The following WBP2NL variants were observed in gnomAD, a reference collection of about 807,000 sequenced individuals.
The protein encoded by WBP2NL is postacrosomal sheath WW domain-binding protein.
In WBP2NL, 27 loss-of-function variants were observed where a neutral mutation model predicts 23.3. The ratio of observed to expected loss-of-function variants is 1.16; its 90% CI spans 0.85 to 1.60. The LOEUF (loss-of-function observed/expected upper bound fraction) is 1.60, where lower values mean the gene tolerates loss of function less well. Ranked by LOEUF, WBP2NL falls within the 40% of genes most tolerant of loss-of-function variation. The pLI, the probability that WBP2NL is intolerant of heterozygous loss-of-function variation, is 0.00. For synonymous variants in WBP2NL, 151 were observed against 145.9 expected (o/e 1.03, Z -0.25); for missense variants, 370 against 389.5 (o/e 0.95, Z 0.42).
At chr22:42,029,160 A>C (rs1264378978), downstream of WBP2NL, among the ~76,000 whole-genome samples, 1 of 152,114 alleles carries the variant, frequency 6.6e-6, no homozygotes, top group African/African-American at 2.4e-5. Flanking sequence ...AGGCCTTAAA[A>C]ATACATTAGT....
chr22:42,019,314 C>A lies in WBP2NL; in HGVS notation c.66C>A (p.Leu22=), dbSNP rs202144163. 244 of 1,613,812 alleles carry A rather than the reference C, an allele frequency of 1.5e-4. 3 individuals are homozygous for A. In the South Asian group the frequency reaches 1.7e-3, roughly 11 times the overall value. Residue 22 remains leucine, a synonymous_variant, in exon 2 of 6, where the codon CTC becomes CTA. Transcript: ENST00000328823. ...GTCTGTTCCTCATTTTCTACAGTCT[C>A]TTGAAGCGGTCTCCGAATGTGGAGC... ...RGALIPNGES[L]LKRSPNVELS...
chr22:42,056,004 G>A lies in WBP2NL; in HGVS notation c.*274-2286G>A, dbSNP rs370227446. On this transcript the variant is annotated intron_variant and NMD_transcript_variant, in intron 8 of 8. Transcript: ENST00000436265. ...GTGTATCTTTTAAATGCATTCTGTC[G>A]ATCTATGTTTAATCCATTTACATGT... 2.2e-4 allele frequency among the ~76,000 whole-genome samples: 33 copies of A among 148,736 alleles called. No homozygotes were observed. The East Asian group carries it at 4.6e-3, about 21-fold the overall frequency.
At chr22:42,003,356 C>T (rs1172261585) in intron 1 of WBP2NL, 1 of 152,604 alleles carries the variant, frequency 6.6e-6, no homozygotes, top group African/African-American at 2.4e-5. Context: ...TATATCCTAG[C>T]TCTGTCTTAC....
chr22:42,037,275 C>G (rs1199061244), downstream of WBP2NL, among the ~76,000 whole-genome samples: 1 of 151,880 alleles, frequency 6.6e-6, no homozygotes. Context: ...GAGTTTATTT[C>G]TGGGTTCTCT....
At chr22:42,032,923 A>AATTATTAATAT (rs1356251730), downstream of WBP2NL, 1 of 200,048 alleles carries the variant, frequency 5.0e-6, no homozygotes, top group African/African-American at 2.4e-5. Flanking sequence ...ACAGGGTATT[A>AATTATTAATAT]ATTATTAATA....
Position 42,022,334 on chromosome 22 carries a change from C to T in WBP2NL, c.492C>T (p.Cys164=), listed in dbSNP as rs1477365140. Residue 164 remains cysteine (C), a synonymous_variant, in exon 5 of 6, where the codon TGC becomes TGT. Transcript: ENST00000328823. Reference sequence around the variant, plus strand: ...TAATTACTGGGGAAGGGAATATGTGCACTCCACAGATGCCTTGTTCAGGTA... The same window carrying T: ...TAATTACTGGGGAAGGGAATATGTGTACTCCACAGATGCCTTGTTCAGGTA... ...IYVITGEGNM[C]TPQMPCSVIV... is the part of the protein sequence containing the mutation. 2 of 1,613,586 alleles carry T rather than the reference C, an allele frequency of 1.2e-6. No individual in the cohort carries two copies. Among genetic ancestry groups the T allele is most frequent in the African/African-American group, 1.3e-5 (1 of 74,906 alleles).
At position 42,027,852 on chromosome 22, in the gene WBP2NL, A is replaced by G; in HGVS notation, c.*671A>G. The G allele has an allele frequency of 2.5e-6, 1 of 397,860 alleles. No homozygotes were observed. The highest frequency in any genetic ancestry group is 3.6e-5 in the East Asian group (1 of 28,018). The allele number at this position is 397,860 out of a possible 1,614,324, so 24.6% of individuals were successfully genotyped here. A position where few individuals can be genotyped will look rare whatever the true frequency, so the allele number is the denominator to read the frequency against. ...ATAGTCAGAATACGTGAATAACTACAAATCAATTCTCCCCAAAATGACAGA... is the reference window on the plus strand; with the variant it reads ...ATAGTCAGAATACGTGAATAACTACGAATCAATTCTCCCCAAAATGACAGA... On this transcript the variant is annotated 3_prime_UTR_variant, in exon 6 of 6. Transcript: ENST00000328823.
intron 1 of WBP2NL, among the ~76,000 whole-genome samples, chr22:42,006,486 G>A (rs1922266133): frequency 6.6e-6 from 1 of 152,154 alleles, no homozygotes; most frequent in African/African-American, 2.4e-5. Context: ...GCCCACCTCA[G>A]CCTCCCAAAG....
At chr22:42,008,875 T>C (rs1026664914) in intron 1 of WBP2NL, among the ~76,000 whole-genome samples, 1 of 152,198 alleles carries the variant, frequency 6.6e-6, no homozygotes, top group Non-Finnish European at 1.5e-5. Context: ...GCCTCCCAGG[T>C]TCACACCATT....
At position 42,022,316 on chromosome 22, in the gene WBP2NL, T is replaced by TGGGGAAGGGAATATG; in HGVS notation, c.475_489dup (p.Gly159_Met163dup). The TGGGGAAGGGAATATG allele has an allele frequency of 6.2e-7, 1 of 1,614,118 alleles. No homozygotes were observed. Among genetic ancestry groups the TGGGGAAGGGAATATG allele is most frequent in the Non-Finnish European group, 8.5e-7 (1 of 1,179,990 alleles). ...GCTCTATGGGAATTTATGTAATTAC[T>TGGGGAAGGGAATATG]GGGGAAGGGAATATGTGCACTCCAC... is the stretch of plus-strand genomic sequence containing the variant. On this transcript the variant is annotated inframe_insertion, in exon 5 of 6. Transcript: ENST00000328823.
intron 1 of WBP2NL, among the ~76,000 whole-genome samples, chr22:42,004,768 A>G (rs993479208): frequency 6.6e-6 from 1 of 152,094 alleles, no homozygotes; most frequent in Non-Finnish European, 1.5e-5. Context: ...TACTAAAAAT[A>G]CAAAAAATTA....
Position 42,022,974 on chromosome 22 carries a change from G to A in WBP2NL, c.514+618G>A, listed in dbSNP as rs1348818831. ...GGCTACTTATTTGTAACCTTAATAG[G>A]TACCTTGGTTTTTAAAGGTTATTAC... On this transcript the variant is annotated intron_variant, in intron 5 of 5. Coordinates refer to ENST00000328823, the MANE Select transcript of WBP2NL (RefSeq NM_152613.3). Among the ~76,000 whole-genome samples the A allele has an allele frequency of 2.6e-5, 4 of 152,192 alleles. 1 individual carries two copies. The highest frequency in any genetic ancestry group is 6.5e-5 in the Admixed American group (1 of 15,292).
intron 1 of WBP2NL, among the ~76,000 whole-genome samples, chr22:42,000,283 C>T (rs1325956343): frequency 6.6e-6 from 1 of 152,182 alleles, no homozygotes; most frequent in African/African-American, 2.4e-5. Context: ...TGTATGTTCT[C>T]ACCTGCTTCC....
intron 8 of WBP2NL, among the ~76,000 whole-genome samples, chr22:42,052,486 G>A (rs1305524421): frequency 6.6e-6 from 1 of 152,134 alleles, no homozygotes; most frequent in East Asian, 1.9e-4. Flanking sequence ...CACTATGTTG[G>A]CCAGGCTGGT....
At chr22:42,049,725 A>G (rs1925760710) in intron 8 of WBP2NL, among the ~76,000 whole-genome samples, 5 of 147,750 alleles carry the variant, frequency 3.4e-5, no homozygotes, top group South Asian at 2.1e-4. Flanking sequence ...AAAAAAAAAA[A>G]AAAAAATAGA....
chr22:42,001,230 C>G, intron 1 of WBP2NL: 1 of 703,836 alleles, frequency 1.4e-6, no homozygotes, highest in Non-Finnish European at 2.6e-6. Flanking sequence ...ATGTCAGTTC[C>G]TTTGCATCCT....
chr22:42,043,507 G>GCA (rs1384926760), intron 8 of WBP2NL, among the ~76,000 whole-genome samples: 1 of 152,068 alleles, frequency 6.6e-6, no homozygotes, highest in Non-Finnish European at 1.5e-5. Flanking sequence ...TCAACTCTAG[G>GCA]CACACACACA....
intron 1 of WBP2NL, among the ~76,000 whole-genome samples, chr22:42,016,396 A>G (rs1453508995): frequency 6.6e-6 from 1 of 152,158 alleles, no homozygotes; most frequent in Non-Finnish European, 1.5e-5. Flanking sequence ...GTCAAACTAC[A>G]ATTTTTAAAA....
rs570604642 is a variant in WBP2NL at position 42,008,969 on chromosome 22, C to T, written c.62+10089C>T. On this transcript the variant is annotated intron_variant, in intron 1 of 5. Transcript: ENST00000328823. ...AATTTTTTCTATTTTTTAGTAGAGACGGGGTTTCACCGTGTTAGCCAGGAT... is the reference window on the plus strand; with the variant it reads ...AATTTTTTCTATTTTTTAGTAGAGATGGGGTTTCACCGTGTTAGCCAGGAT... Among the ~76,000 whole-genome samples, 366 of 152,214 alleles carry T rather than the reference C, an allele frequency of 2.4e-3. 3 individuals carry two copies. The highest frequency in any genetic ancestry group is 2.7e-3 in the Non-Finnish European group (182 of 68,002).
Sources: gnomAD v4.1 joint callset for allele counts (sites outside exome capture counted in the v4.1 genomes callset) on GRCh38, gnomAD v4.1.1 for gene constraint, MANE v1.5 for transcripts, NCBI Gene and HGNC (gene_info 2026-07-23, HGNC 2026-07-21) for gene names.